Variants in POU2F1 observed in about 807,000 individuals in gnomAD.
The protein encoded by POU2F1 is POU class 2 homeobox 1, also known as POU domain, class 2, transcription factor 1.
In POU2F1, 16 loss-of-function variants were observed where a neutral mutation model predicts 84.9. The ratio of observed to expected loss-of-function variants is 0.19; its 90% confidence interval spans 0.13 to 0.29. POU2F1 has a LOEUF of 0.29. POU2F1 is among the 10% of genes least tolerant of loss of function. The pLI is 1.00. For missense variants in POU2F1, 738 were observed against 942.6 expected, an observed-to-expected ratio of 0.78 and a Z score of 2.84; for synonymous variants, 368 against 368.3, an observed-to-expected ratio of 1.00 and a Z score of 0.01.
chr1:167,400,175 C>G (rs1649109571), intron 12 of POU2F1, among the ~76,000 whole-genome samples: 1 of 148,816 alleles, frequency 6.7e-6, no homozygotes, highest in Non-Finnish European at 1.5e-5. Context: ...TTAGTTGAGA[C>G]CAGGGTTTCA....
chr1:167,345,566 A>G (rs1274572779), intron 2 of POU2F1, among the ~76,000 whole-genome samples: 4 of 152,210 alleles, frequency 2.6e-5, no homozygotes, highest in African/African-American at 9.6e-5. Flanking sequence ...AAGAGCATTC[A>G]TTGTGTTTCT....
At chr1:167,354,947 G>T (rs1195762128) in intron 2 of POU2F1, among the ~76,000 whole-genome samples, 1 of 152,060 alleles carries the variant, frequency 6.6e-6, no homozygotes, top group Non-Finnish European at 1.5e-5. Flanking sequence ...TGTTTGTATG[G>T]ATTGTAAATA....
chr1:167,271,574 A>G (rs1209845459), intron 1 of POU2F1, among the ~76,000 whole-genome samples: 1 of 152,078 alleles, frequency 6.6e-6, no homozygotes, highest in Non-Finnish European at 1.5e-5. Context: ...TGGGTGGCTT[A>G]TTTTCTGACA....
chr1:167,347,819 G>A (rs1658299197), intron 2 of POU2F1, among the ~76,000 whole-genome samples: 1 of 152,046 alleles, frequency 6.6e-6, no homozygotes, highest in African/African-American at 2.4e-5. Flanking sequence ...CTTTAACTTA[G>A]TATAATGTTT....
chr1:167,288,487 G>A (rs1354118300), intron 1 of POU2F1, among the ~76,000 whole-genome samples: 1 of 152,098 alleles, frequency 6.6e-6, no homozygotes, highest in African/African-American at 2.4e-5. Context: ...TCAGGAGTTC[G>A]AGTCTAGCCC....
chr1:167,388,316 A>G (rs930299702), intron 8 of POU2F1, among the ~76,000 whole-genome samples: 9 of 152,220 alleles, frequency 5.9e-5, no homozygotes, highest in African/African-American at 1.9e-4. Flanking sequence ...ACATTTTTTA[A>G]AACTGCTAAC....
At chr1:167,316,434 C>G (rs1468861990) in intron 1 of POU2F1, among the ~76,000 whole-genome samples, 1 of 152,100 alleles carries the variant, frequency 6.6e-6, no homozygotes, top group Non-Finnish European at 1.5e-5. Flanking sequence ...TGAGGGAAGA[C>G]CTGAGGCCAT....
In POU2F1 at chr1:167,419,215, G is replaced by A. The variant is rs542351671; in HGVS notation, c.*3405G>A. On this transcript the variant is annotated 3_prime_UTR_variant, in exon 16 of 16. Coordinates refer to ENST00000367866, the MANE Select transcript of POU2F1 (RefSeq NM_002697.4). ...TTAGCCACCTTATATGGGAGAGCCT[G>A]GAAACTAAAGGGGACCAGGGACCAT... 6.6e-6 allele frequency: 1 copy of A among 152,242 alleles called. No individual in the cohort carries two copies. Among genetic ancestry groups the A allele is most frequent in the South Asian group, 2.1e-4 (1 of 4,826 alleles). 9.4% of individuals were successfully genotyped at this position (152,242 alleles called of 1,614,324 possible).
chr1:167,299,266 G>T (rs145830225), intron 1 of POU2F1, among the ~76,000 whole-genome samples: 1 of 151,842 alleles, frequency 6.6e-6, no homozygotes, highest in East Asian at 1.9e-4. Flanking sequence ...AGTGTATCTT[G>T]TAGTATATAT....
At chr1:167,297,122 G>T (rs1165813767) in intron 1 of POU2F1, among the ~76,000 whole-genome samples, 1 of 152,188 alleles carries the variant, frequency 6.6e-6, no homozygotes, top group Non-Finnish European at 1.5e-5. Flanking sequence ...TGTTCATAAT[G>T]TGCATATACA....
chr1:167,313,231 A>G (rs1655626217), intron 1 of POU2F1, among the ~76,000 whole-genome samples: 1 of 149,490 alleles, frequency 6.7e-6, no homozygotes, highest in South Asian at 2.1e-4. Context: ...TTAGAAGATA[A>G]CATAGGAAAC....
chr1:167,229,534 T>A (rs781506965), intron 1 of POU2F1, among the ~76,000 whole-genome samples: 72 of 152,212 alleles, frequency 4.7e-4, no homozygotes, highest in Non-Finnish European at 9.1e-4. Flanking sequence ...ATTCTAGATA[T>A]CTCATTTTGG....
chr1:167,322,248 C>T (rs1656364279), intron 1 of POU2F1, among the ~76,000 whole-genome samples: 1 of 152,192 alleles, frequency 6.6e-6, no homozygotes, highest in Admixed American at 6.5e-5. Context: ...CACTTTTCCC[C>T]ATCTCCATAT....
intron 1 of POU2F1, among the ~76,000 whole-genome samples, chr1:167,310,216 C>T (rs764426780): frequency 5.3e-5 from 8 of 151,916 alleles, no homozygotes; most frequent in Non-Finnish European, 1.2e-4. Context: ...AAAGAAATTG[C>T]ATTTAATATT....
chr1:167,267,725 T>G (rs897528629), intron 1 of POU2F1, among the ~76,000 whole-genome samples: 5 of 131,568 alleles, frequency 3.8e-5, no homozygotes, highest in Non-Finnish European at 7.8e-5. Context: ...CACTGCAAGC[T>G]CCGCCTCCCA....
chr1:167,373,513 A>C (rs1300270748), intron 5 of POU2F1, among the ~76,000 whole-genome samples: 1 of 152,172 alleles, frequency 6.6e-6, no homozygotes, highest in Non-Finnish European at 1.5e-5. Context: ...TTTCATAGAG[A>C]TAATGTGTTG....
chr1:167,283,153 A>C (rs1653276897), intron 1 of POU2F1, among the ~76,000 whole-genome samples: 1 of 152,154 alleles, frequency 6.6e-6, no homozygotes, highest in African/African-American at 2.4e-5. Context: ...TTTTGAGGGC[A>C]GGAACTAAAT....
At chr1:167,404,343 A>G (rs1327086303) in intron 13 of POU2F1, among the ~76,000 whole-genome samples, 1 of 152,062 alleles carries the variant, frequency 6.6e-6, no homozygotes, top group African/African-American at 2.4e-5. Flanking sequence ...TTTTCCTGAC[A>G]TTGTGTAGCT....
At chr1:167,387,578 G>T (rs1648073318) in intron 8 of POU2F1, among the ~76,000 whole-genome samples, 2 of 152,200 alleles carry the variant, frequency 1.3e-5, no homozygotes, top group South Asian at 4.1e-4. Context: ...TTTGGAGGAA[G>T]CCTTGACTCA....
Sources: allele counts gnomAD v4.1 joint callset (sites outside exome capture counted in the v4.1 genomes callset), GRCh38; gene constraint gnomAD v4.1.1; transcripts MANE v1.5; gene names NCBI Gene and HGNC (gene_info 2026-07-23, HGNC 2026-07-21).